Variants in CLTRN observed in about 807,000 individuals in gnomAD.
The protein encoded by CLTRN is collectrin, amino acid transport regulator, also known as collectrin.
In CLTRN, 12 loss-of-function variants were observed where a neutral mutation model predicts 14.5. The observed-to-expected ratio is 0.83, with a 90% confidence interval of 0.53 to 1.34. The LOEUF is 1.34. CLTRN is among the 40% of genes most tolerant of loss of function. CLTRN has a pLI of 0.00. For missense variants in CLTRN, 154 were observed against 165.1 expected (o/e 0.93, Z 0.37); for synonymous variants, 58 against 56.5 (o/e 1.03, Z -0.12).
At chrX:15,657,695 A>C (rs1242324783) in intron 3 of CLTRN, among the ~76,000 whole-genome samples, 1 of 111,170 alleles carries the variant, frequency 9.0e-6, no homozygotes, top group Non-Finnish European at 1.9e-5. Flanking sequence ...GAAAAAAGTT[A>C]TTATAAATAG....
At position 15,651,918 on chromosome X, in the gene CLTRN, T is replaced by C. The variant is rs1929227051; in HGVS notation, c.204-6889A>G. On this transcript the variant is annotated intron_variant, in intron 3 of 5. Transcript: ENST00000380342. ...TTTCCCGAAACTTTATCTACTCACCTACAAATACTCAGACAACAAAACAAA... is the reference window on the plus strand; with the variant it reads ...TTTCCCGAAACTTTATCTACTCACCCACAAATACTCAGACAACAAAACAAA... Among the ~76,000 whole-genome samples the C allele has an allele frequency of 2.7e-5, 3 of 111,978 alleles. No homozygotes were observed. In the Admixed American group the frequency reaches 2.8e-4, roughly 11 times the overall value.
chrX:15,660,963 T>C (rs747835906), intron 2 of CLTRN, among the ~76,000 whole-genome samples: 43 of 112,864 alleles, frequency 3.8e-4, no homozygotes, highest in Non-Finnish European at 1.5e-4. Context: ...AACTTTTCAT[T>C]TGATATTATA....
At chrX:15,670,316 C>T (rs1929693909) in intron 1 of CLTRN, among the ~76,000 whole-genome samples, 1 of 104,895 alleles carries the variant, frequency 9.5e-6, no homozygotes, top group South Asian at 4.3e-4. Flanking sequence ...AAAACACACA[C>T]ACACACACAC....
intron 5 of CLTRN, among the ~76,000 whole-genome samples, chrX:15,633,915 T>C (rs1455294314): frequency 8.9e-6 from 1 of 112,317 alleles, no homozygotes; most frequent in African/African-American, 3.2e-5. Context: ...ATACATACTA[T>C]AGCTCCTATC....
At chrX:15,656,669 T>C (rs1032339519) in intron 3 of CLTRN, among the ~76,000 whole-genome samples, 2 of 111,294 alleles carry the variant, frequency 1.8e-5, no homozygotes, top group Non-Finnish European at 3.8e-5. Flanking sequence ...CAATCCAATC[T>C]TGCATTATGT....
rs191124762 is a variant in CLTRN at position 15,652,907 on chromosome X, C to T, written c.203+6109G>A. Among the ~76,000 whole-genome samples, 606 of 110,800 alleles carry T rather than the reference C, an allele frequency of 5.5e-3. 8 individuals are homozygous for T. The highest frequency in any genetic ancestry group is 0.019 in the African/African-American group (583 of 30,487). On this transcript the variant is annotated intron_variant, in intron 3 of 5. Coordinates refer to ENST00000380342, the MANE Select transcript of CLTRN (RefSeq NM_020665.6). ...GACAGCCTGGCCAACATGGTGAAAC[C>T]CCGTCTCTACTAAAAATACAAAAAT...
Position 15,627,825 on chromosome X carries a change from G to T in CLTRN, c.*146C>A. On this transcript the variant is annotated 3_prime_UTR_variant, in exon 6 of 6. Transcript: ENST00000380342. ...GTGGTGTTGGTGGGTATAATTGATT[G>T]CTTTTCACTTTCAAGCACATTCAAA... The T allele has an allele frequency of 2.6e-6, 1 of 384,748 alleles. No homozygotes were observed. The highest frequency in any genetic ancestry group is 4.1e-6 in the Non-Finnish European group (1 of 245,977). 31.7% of individuals were successfully genotyped at this position (384,748 alleles called of 1,213,427 possible). A position where few individuals can be genotyped will look rare whatever the true frequency, so the allele number is the denominator to read the frequency against.
chrX:15,660,213 T>C (rs760703868), intron 2 of CLTRN, among the ~76,000 whole-genome samples: 14 of 111,683 alleles, frequency 1.3e-4, no homozygotes, highest in Non-Finnish European at 2.3e-4. Flanking sequence ...AATAAATGAC[T>C]CCTAAATAAC....
At chrX:15,650,494 T>A (rs1929189799) in intron 3 of CLTRN, among the ~76,000 whole-genome samples, 1 of 112,279 alleles carries the variant, frequency 8.9e-6, no homozygotes, top group African/African-American at 3.2e-5. Flanking sequence ...GTTACCTGAA[T>A]TTTTTAAAAA....
chrX:15,635,046 G>C (rs1035440926), intron 5 of CLTRN, among the ~76,000 whole-genome samples: 1 of 111,308 alleles, frequency 9.0e-6, no homozygotes, highest in Non-Finnish European at 1.9e-5. Flanking sequence ...TCATCTAGAG[G>C]GCAATAGAGA....
intron 1 of CLTRN, among the ~76,000 whole-genome samples, chrX:15,673,539 CA>C (rs1437507333): frequency 8.9e-6 from 1 of 112,116 alleles, no homozygotes; most frequent in African/African-American, 3.2e-5. Context: ...ATTTTTCATG[CA>C]AAAAATGATT....
upstream of CLTRN, chrX:15,664,939 C>T: frequency 9.2e-6 from 4 of 434,385 alleles, no homozygotes; most frequent in Non-Finnish European, 1.6e-5. Flanking sequence ...GTTAATACTT[C>T]CATAAAAACA....
intron 1 of CLTRN, among the ~76,000 whole-genome samples, chrX:15,669,816 T>C (rs1449989743): frequency 8.9e-6 from 1 of 112,256 alleles, no homozygotes; most frequent in Non-Finnish European, 1.9e-5. Flanking sequence ...TTAGTAAATA[T>C]ATAGCTCCTA....
At chrX:15,657,001 A>ATT (rs1180351298) in intron 3 of CLTRN, among the ~76,000 whole-genome samples, 2 of 101,453 alleles carry the variant, frequency 2.0e-5, no homozygotes, top group Non-Finnish European at 4.0e-5. Context: ...TGTGTACCCA[A>ATT]TTTTTTTTTT....
chrX:15,671,032 A>C (rs149209255), intron 1 of CLTRN, among the ~76,000 whole-genome samples: 1 of 110,556 alleles, frequency 9.0e-6, no homozygotes, highest in African/African-American at 3.3e-5. Context: ...ACTTCAGTTT[A>C]TGATTCAAAT....
At chrX:15,672,190 T>C (rs895772238) in intron 1 of CLTRN, among the ~76,000 whole-genome samples, 5 of 111,803 alleles carry the variant, frequency 4.5e-5, no homozygotes, top group Non-Finnish European at 9.4e-5. Flanking sequence ...AAAGGACAGT[T>C]TCTTAAATGG....
chrX:15,664,928 G>C, upstream of CLTRN: 2 of 442,927 alleles, frequency 4.5e-6, no homozygotes, highest in Non-Finnish European at 7.9e-6. Flanking sequence ...CCATCATTTG[G>C]GTTAATACTT....
At position 15,639,599 on chromosome X, in the gene CLTRN, C is replaced by T; in HGVS notation, c.475G>A (p.Ala159Thr). ...CAGATCCCTGATAAAATCAGTAGTG[C>T]AATTGCAACTATGATGATGCAAAAT... ...VIFCIIIVAIALLILSGIWQR... is the reference protein window; with the variant it reads ...VIFCIIIVAITLLILSGIWQR... Residue 159 changes from alanine to threonine, a missense_variant, in exon 5 of 6, where the codon GCA becomes ACA. Coordinates refer to ENST00000380342, the MANE Select transcript of CLTRN (RefSeq NM_020665.6). 8.3e-7 allele frequency: 1 copy of T among 1,209,697 alleles called. No individual in the cohort carries two copies. The highest frequency in any genetic ancestry group is 1.1e-6 in the Non-Finnish European group (1 of 894,274).
At chrX:15,651,418 C>G (rs754216082) in intron 3 of CLTRN, among the ~76,000 whole-genome samples, 3 of 110,581 alleles carry the variant, frequency 2.7e-5, no homozygotes, top group African/African-American at 9.9e-5. Flanking sequence ...GTAACCCCCA[C>G]GGTGGCAGAA....
Sources: gnomAD v4.1 joint callset for allele counts (sites outside exome capture counted in the v4.1 genomes callset) on GRCh38, gnomAD v4.1.1 for gene constraint, MANE v1.5 for transcripts, NCBI Gene and HGNC (gene_info 2026-07-23, HGNC 2026-07-21) for gene names.